The following NUP93 variants were observed in gnomAD, a reference collection of about 807,000 sequenced individuals.
The protein encoded by NUP93 is nucleoporin 93, also known as nuclear pore complex protein Nup93.
A neutral mutation model predicts 107.8 loss-of-function variants in NUP93; 55 were observed. The observed-to-expected ratio is 0.51, with a 90% CI of 0.41 to 0.64. NUP93 has a LOEUF of 0.64. Among genes scored for constraint, NUP93 ranks in the 30% least tolerant of loss-of-function variants. NUP93 has a pLI of 0.00. For synonymous variants in NUP93, 390 were observed against 397.5 expected (o/e 0.98, Z 0.22); for missense variants, 937 against 1,044.7 (o/e 0.90, Z 1.42).
chr16:56,842,649 C>A, intron 21 of NUP93: 3 of 451,070 alleles, frequency 6.7e-6, no homozygotes, highest in Non-Finnish European at 1.3e-5. Flanking sequence ...ACCTCTTGGG[C>A]TCAAGCCACC....
chr16:56,787,141 C>G (rs1284742122), intron 3 of NUP93, among the ~76,000 whole-genome samples: 1 of 152,158 alleles, frequency 6.6e-6, no homozygotes, highest in Non-Finnish European at 1.5e-5. Flanking sequence ...TTTAAGAGAA[C>G]GTGAAATTAC....
intron 5 of NUP93, among the ~76,000 whole-genome samples, chr16:56,815,593 G>T (rs372678340): frequency 6.6e-6 from 1 of 152,126 alleles, no homozygotes; most frequent in Non-Finnish European, 1.5e-5. Context: ...CGTTGTGGTG[G>T]TTTCTTTTTG....
At chr16:56,788,639 G>T (rs1276484453) in intron 3 of NUP93, among the ~76,000 whole-genome samples, 2 of 152,204 alleles carry the variant, frequency 1.3e-5, no homozygotes, top group Non-Finnish European at 2.9e-5. Context: ...AAATGCCCCA[G>T]GGCCCCTGAA....
At chr16:56,785,299 A>G (rs1200427577) in intron 3 of NUP93, among the ~76,000 whole-genome samples, 1 of 152,046 alleles carries the variant, frequency 6.6e-6, no homozygotes, top group Non-Finnish European at 1.5e-5. Flanking sequence ...TTGGCTTTAT[A>G]ATAAGGCTAG....
chr16:56,841,810 CG>C lies in NUP93; in HGVS notation c.2327del (p.Arg776GlnfsTer17). On this transcript the variant is annotated frameshift_variant, in exon 21 of 22. Transcript: ENST00000308159. LOFTEE classifies it high-confidence loss of function. Reference protein sequence around the residue: ...TSPSSSSRPQRVIEDRDSQLR... With the variant: ...TSPSSSSRPQXVIEDRDSQLR... ...TCCATCCTCGTCATCCAGGCCCCAG[CG>C]AGTCATCGAGGACCGCGACTCTGTA... 1 of 1,614,144 alleles carries C rather than the reference CG, an allele frequency of 6.2e-7. No homozygotes were observed. The highest frequency in any genetic ancestry group is 8.5e-7 in the Non-Finnish European group (1 of 1,179,984).
intron 13 of NUP93, among the ~76,000 whole-genome samples, chr16:56,833,760 A>G (rs552759082): frequency 1.1e-4 from 16 of 152,266 alleles, no homozygotes; most frequent in Non-Finnish European, 1.6e-4. Flanking sequence ...AGGCATGTGC[A>G]TACCTGCCTG....
intron 3 of NUP93, among the ~76,000 whole-genome samples, chr16:56,785,165 C>T (rs1465308497): frequency 6.6e-6 from 1 of 152,166 alleles, no homozygotes; most frequent in Non-Finnish European, 1.5e-5. Flanking sequence ...ATTAGAACTC[C>T]ATTTTAACTG....
rs1436068435 is a variant in NUP93 at position 56,832,346 on chromosome 16, C to G, written c.1303C>G (p.Leu435Val). 6.2e-7 allele frequency: 1 copy of G among 1,614,140 alleles called. No individual in the cohort carries two copies. The highest frequency in any genetic ancestry group is 8.5e-7 in the Non-Finnish European group (1 of 1,179,970). ...TGGCACCAGCTCCCCACAAGACAGG[C>G]TCACTCTCTCACAGTTCCAGAAGCA... ...DDGTSSPQDR[L>V]TLSQFQKQLL... is the part of the protein sequence containing the mutation. Residue 435 changes from leucine (L) to valine (V), a missense_variant, in exon 12 of 22, where the codon CTC becomes GTC. Leu to Val is a conservative substitution (Grantham distance 32). Coordinates refer to ENST00000308159, the MANE Select transcript of NUP93 (RefSeq NM_014669.5).
At chr16:56,782,473 ATAGT>A (rs544981037) in intron 3 of NUP93, 238 of 152,986 alleles carry the variant, frequency 1.6e-3, no homozygotes, top group Non-Finnish European at 2.4e-3. Context: ...AAATATTTAA[ATAGT>A]TGGTTATTGG....
At chr16:56,752,691 G>A (rs1388144289) in intron 2 of NUP93, among the ~76,000 whole-genome samples, 4 of 152,140 alleles carry the variant, frequency 2.6e-5, no homozygotes, top group Non-Finnish European at 4.4e-5. Context: ...ACTTAGAATA[G>A]CCAAAACAAT....
chr16:56,759,775 CA>C (rs1962090669), intron 3 of NUP93, among the ~76,000 whole-genome samples: 1 of 151,852 alleles, frequency 6.6e-6, no homozygotes, highest in Non-Finnish European at 1.5e-5. Context: ...GATGAATAAT[CA>C]CCATGTATTT....
intron 3 of NUP93, among the ~76,000 whole-genome samples, chr16:56,776,213 A>G (rs1962413175): frequency 6.8e-6 from 1 of 147,116 alleles, no homozygotes; most frequent in Non-Finnish European, 1.5e-5. Flanking sequence ...CTGATAATGA[A>G]AGAAATACAG....
intron 5 of NUP93, among the ~76,000 whole-genome samples, chr16:56,810,349 C>G (rs1447916341): frequency 1.3e-5 from 2 of 152,188 alleles, no homozygotes; most frequent in African/African-American, 4.8e-5. Context: ...GCAACTCAGG[C>G]TGAGTGCAGT....
At chr16:56,826,814 G>T (rs751445093) in intron 8 of NUP93, among the ~76,000 whole-genome samples, 160 of 151,700 alleles carry the variant, frequency 1.1e-3, no homozygotes, top group Non-Finnish European at 1.0e-3. Flanking sequence ...TTGAGAGGCC[G>T]AGGCGGGCAG....
intron 4 of NUP93, among the ~76,000 whole-genome samples, chr16:56,800,065 C>T (rs540559970): frequency 6.6e-6 from 1 of 152,100 alleles, no homozygotes; most frequent in Non-Finnish European, 1.5e-5. Flanking sequence ...CACCTATAGT[C>T]CCAGCTACTC....
At chr16:56,754,241 G>T (rs553060865) in intron 2 of NUP93, among the ~76,000 whole-genome samples, 3 of 152,224 alleles carry the variant, frequency 2.0e-5, no homozygotes, top group Admixed American at 6.5e-5. Context: ...CTCCCACTGG[G>T]TGCCCCCTCC....
At position 56,836,640 on chromosome 16, in the gene NUP93, A is replaced by G. The variant is rs2144640920; in HGVS notation, c.1822A>G (p.Ile608Val). ...TAAGTTTACTAGTGACACAAAGCCTATTATCAACAAAGTTGCTTCTGTGGC... is the reference window on the plus strand; with the variant it reads ...TAAGTTTACTAGTGACACAAAGCCTGTTATCAACAAAGTTGCTTCTGTGGC... ...IDKFTSDTKP[I>V]INKVASVAEN... Residue 608 changes from isoleucine (I) to valine (V), a missense_variant, in exon 17 of 22, where the codon ATT becomes GTT. Coordinates refer to ENST00000308159, the MANE Select transcript of NUP93 (RefSeq NM_014669.5). The G allele has an allele frequency of 1.2e-6, 2 of 1,614,072 alleles. No homozygotes were observed. The highest frequency in any genetic ancestry group is 1.7e-6 in the Non-Finnish European group (2 of 1,179,932).
At chr16:56,760,297 G>A (rs748981157) in intron 3 of NUP93, among the ~76,000 whole-genome samples, 3 of 152,176 alleles carry the variant, frequency 2.0e-5, no homozygotes, top group South Asian at 2.1e-4. Flanking sequence ...GGAGGCTGAC[G>A]TGGGAGGATT....
At position 56,775,422 on chromosome 16, in the gene NUP93, T is replaced by C. The variant is rs117692256; in HGVS notation, c.297+16767T>C. Among the ~76,000 whole-genome samples the C allele has an allele frequency of 1.2e-3, 190 of 152,338 alleles. 2 individuals are homozygous for C. The East Asian group carries it at 0.032, about 25-fold the overall frequency. ...TGTGCATGATGCTGTGTTAAGCACT[T>C]TAAGTGGATATAATATAGTACCCAT... On this transcript the variant is annotated intron_variant, in intron 3 of 21. Coordinates refer to ENST00000308159, the MANE Select transcript of NUP93 (RefSeq NM_014669.5).
Sources: gnomAD v4.1 joint callset for allele counts (sites outside exome capture counted in the v4.1 genomes callset) on GRCh38, gnomAD v4.1.1 for gene constraint, MANE v1.5 for transcripts, NCBI Gene and HGNC (gene_info 2026-07-23, HGNC 2026-07-21) for gene names.